Variants in ADAMTS17 observed in about 807,000 individuals in gnomAD.
The protein encoded by ADAMTS17 is A disintegrin and metalloproteinase with thrombospondin motifs 17.
A neutral mutation model predicts 141.5 loss-of-function variants in ADAMTS17; 113 were observed. The observed-to-expected ratio is 0.80, with a 90% CI of 0.69 to 0.93. The LOEUF (loss-of-function observed/expected upper bound fraction) is 0.93, where lower values mean the gene tolerates loss of function less well. Ranked by LOEUF, ADAMTS17 falls within the 40% of genes least tolerant of loss-of-function variation. The probability of loss-of-function intolerance (pLI) is 0.00; values close to 1 mark genes in which losing one functional copy is unlikely to be tolerated. For synonymous variants in ADAMTS17, 768 were observed against 630.6 expected, an observed-to-expected ratio of 1.22 and a Z score of -3.27; for missense variants, 1,659 against 1,517.9, an observed-to-expected ratio of 1.09 and a Z score of -1.54.
chr15:100,335,184 A>C (rs1057453732), intron 2 of ADAMTS17, among the ~76,000 whole-genome samples: 4 of 152,136 alleles, frequency 2.6e-5, no homozygotes, highest in Non-Finnish European at 5.9e-5. Context: ...CGGGCCCTCC[A>C]GGGGACTGTA....
intron 7 of ADAMTS17, among the ~76,000 whole-genome samples, chr15:100,233,026 G>T (rs879728988): frequency 1.3e-5 from 2 of 152,142 alleles, no homozygotes; most frequent in African/African-American, 4.8e-5. Context: ...GATAAAAAAG[G>T]GTGTTAAATG....
At chr15:99,989,887 A>C (rs988439198) in intron 20 of ADAMTS17, among the ~76,000 whole-genome samples, 1 of 152,226 alleles carries the variant, frequency 6.6e-6, no homozygotes, top group African/African-American at 2.4e-5. Flanking sequence ...CATATATATT[A>C]GCATCTTGAA....
chr15:100,236,277 C>T (rs1002168511), intron 7 of ADAMTS17, among the ~76,000 whole-genome samples: 5 of 102,626 alleles, frequency 4.9e-5, no homozygotes, highest in Admixed American at 1.1e-4. Context: ...ATGTCACCCA[C>T]GACATTAAAA....
chr15:100,158,555 C>A (rs1004532770), intron 8 of ADAMTS17, among the ~76,000 whole-genome samples: 1 of 152,178 alleles, frequency 6.6e-6, no homozygotes, highest in Non-Finnish European at 1.5e-5. Context: ...CTGAGCTCCA[C>A]TGAAACTCGA....
chr15:100,305,670 C>G (rs996994920), intron 3 of ADAMTS17, among the ~76,000 whole-genome samples: 1 of 152,082 alleles, frequency 6.6e-6, no homozygotes, highest in Admixed American at 6.6e-5. Flanking sequence ...CTGGATCTAC[C>G]GGATATGTTA....
Position 100,341,292 on chromosome 15 carries a change from C to A in ADAMTS17, c.197G>T (p.Arg66Leu). The A allele has an allele frequency of 9.0e-7, 1 of 1,115,686 alleles. No individual in the cohort carries two copies. Among genetic ancestry groups the A allele is most frequent in the Non-Finnish European group, 1.1e-6 (1 of 917,058 alleles). The allele number at this position is 1,115,686 out of a possible 1,614,324, so 69.1% of individuals were successfully genotyped here. A position where few individuals can be genotyped will look rare whatever the true frequency, so the allele number is the denominator to read the frequency against. ...APGPRRRRRP[R>L]TPPAAPRARP... is the part of the protein sequence containing the mutation. ...GGCGCGCGGGGCGGCTGGGGGCGTG[C>A]GGGGGCGTCGCCGCCGTCGGGGCCC... Residue 66 changes from arginine to leucine, a missense_variant, in exon 2 of 22, where the codon CGC becomes CTC. Transcript: ENST00000268070.
intron 12 of ADAMTS17, among the ~76,000 whole-genome samples, chr15:100,123,754 C>T (rs933462872): frequency 2.0e-5 from 3 of 152,126 alleles, no homozygotes; most frequent in South Asian, 2.1e-4. Flanking sequence ...GCTTGGCTGA[C>T]GAGCAAGAGG....
intron 10 of ADAMTS17, among the ~76,000 whole-genome samples, chr15:100,141,110 T>C (rs1596540919): frequency 6.6e-6 from 1 of 152,188 alleles, no homozygotes; most frequent in Admixed American, 6.5e-5. Context: ...GGTTCTAGCA[T>C]TTGTCACCTC....
intron 3 of ADAMTS17, among the ~76,000 whole-genome samples, chr15:100,296,196 C>A (rs1035616682): frequency 6.6e-6 from 1 of 152,130 alleles, no homozygotes; most frequent in Non-Finnish European, 1.5e-5. Flanking sequence ...AGTTTGAACA[C>A]ACGCACTTGC....
chr15:100,250,233 AAC>A (rs1453420184), intron 7 of ADAMTS17, among the ~76,000 whole-genome samples: 1 of 152,154 alleles, frequency 6.6e-6, no homozygotes, highest in Non-Finnish European at 1.5e-5. Flanking sequence ...CCCTAATTAA[AAC>A]AACAACAAAA....
chr15:100,054,069 G>A lies in ADAMTS17; in HGVS notation c.2138-15C>T, dbSNP rs757375922. On this transcript the variant is annotated splice_polypyrimidine_tract_variant and intron_variant, in intron 15 of 21. Coordinates refer to ENST00000268070, the MANE Select transcript of ADAMTS17 (RefSeq NM_139057.4). ...GTCTTTGAGAGCTAGAAAGCAAGTT[G>A]AAGACCAAAGAATCAAGGGGCTGGG... The A allele has an allele frequency of 6.2e-7, 1 of 1,613,984 alleles. No individual in the cohort carries two copies. Among genetic ancestry groups the A allele is most frequent in the Non-Finnish European group, 8.5e-7 (1 of 1,180,002 alleles).
intron 18 of ADAMTS17, among the ~76,000 whole-genome samples, chr15:100,034,676 T>C (rs1165320225): frequency 6.6e-6 from 1 of 152,178 alleles, no homozygotes; most frequent in Non-Finnish European, 1.5e-5. Flanking sequence ...TTTAAGCCAC[T>C]AAGTCCCTCT....
chr15:100,324,887 T>TGACATTA (rs2045852115), intron 3 of ADAMTS17, among the ~76,000 whole-genome samples: 1 of 152,196 alleles, frequency 6.6e-6, no homozygotes, highest in Non-Finnish European at 1.5e-5. Flanking sequence ...AAGAGGTAGA[T>TGACATTA]GACATTACAA....
At chr15:100,153,979 G>A (rs574224541) in intron 9 of ADAMTS17, among the ~76,000 whole-genome samples, 11 of 152,264 alleles carry the variant, frequency 7.2e-5, no homozygotes, top group East Asian at 1.9e-4. Flanking sequence ...TCAGGAGTTC[G>A]AGGCCAGCCT....
intron 8 of ADAMTS17, among the ~76,000 whole-genome samples, chr15:100,193,417 C>T (rs886560825): frequency 3.3e-5 from 5 of 152,158 alleles, no homozygotes; most frequent in African/African-American, 4.8e-5. Flanking sequence ...TCAGCACAGC[C>T]GGGCTCAGCA....
At chr15:100,190,533 C>A (rs1013219444) in intron 8 of ADAMTS17, among the ~76,000 whole-genome samples, 6 of 152,170 alleles carry the variant, frequency 3.9e-5, no homozygotes, top group Non-Finnish European at 7.3e-5. Flanking sequence ...CTGTCCACTA[C>A]AGGAGAGGTC....
intron 8 of ADAMTS17, among the ~76,000 whole-genome samples, chr15:100,180,456 T>A (rs1378605438): frequency 6.6e-6 from 1 of 152,232 alleles, no homozygotes; most frequent in African/African-American, 2.4e-5. Context: ...GTAATGTGAT[T>A]CCTCCAGTTT....
At chr15:100,050,137 A>AT (rs1161492222) in intron 17 of ADAMTS17, among the ~76,000 whole-genome samples, 1 of 152,206 alleles carries the variant, frequency 6.6e-6, no homozygotes, top group Non-Finnish European at 1.5e-5. Context: ...GCAGCCTCGC[A>AT]TGAGTACAGA....
Position 100,341,050 on chromosome 15 carries a change from C to T in ADAMTS17, c.439G>A (p.Ala147Thr). The change falls in exon 2 of 22, where the codon GCC (alanine) becomes ACC (threonine). Residue 147 changes from alanine to threonine, a missense_variant. Coordinates refer to ENST00000268070, the MANE Select transcript of ADAMTS17 (RefSeq NM_139057.4). ...SLVSLSACGA[A>T]GGLVGLIQLG... ...GGCGCGGGCAGTACCAGGCCGCCGG[C>T]GGCGCCGCAGGCGCTGAGCGAGACG... is the stretch of plus-strand genomic sequence containing the variant. The T allele has an allele frequency of 6.6e-7, 1 of 1,523,060 alleles. No individual in the cohort carries two copies. The highest frequency in any genetic ancestry group is 1.4e-5 in the African/African-American group (1 of 72,332). The allele number at this position is 1,523,060 out of a possible 1,614,324, so 94.3% of individuals were successfully genotyped here.
Sources: gnomAD v4.1 joint callset for allele counts (sites outside exome capture counted in the v4.1 genomes callset) on GRCh38, gnomAD v4.1.1 for gene constraint, MANE v1.5 for transcripts, NCBI Gene and HGNC (gene_info 2026-07-23, HGNC 2026-07-21) for gene names.